AGMO: variants seen among roughly 807,000 people sequenced by gnomAD.
AGMO encodes the protein alkylglycerol monooxygenase, also known as glyceryl-ether monooxygenase.
Under a neutral mutation model 60.2 loss-of-function variants are expected in AGMO, and 75 were observed. That is an observed-to-expected ratio of 1.25 (90% CI 1.03 to 1.51). The LOEUF (loss-of-function observed/expected upper bound fraction) is 1.51. AGMO is among the 40% of genes most tolerant of loss of function. The pLI is 0.00. For synonymous variants in AGMO, 261 were observed against 177.1 expected (o/e 1.47, Z -3.76); for missense variants, 763 against 525.5 (o/e 1.45, Z -4.42).
the AGMO span, among the ~76,000 whole-genome samples, chr7:15,152,947 T>A: frequency 6.6e-6 from 1 of 152,184 alleles, no homozygotes; most frequent in African/African-American, 2.4e-5. Context: ...TTTTACTAGT[T>A]TGCATTCTCA....
chr7:15,337,933 A>G (rs1332103040), intron 12 of AGMO, among the ~76,000 whole-genome samples: 1 of 152,192 alleles, frequency 6.6e-6, no homozygotes, highest in Non-Finnish European at 1.5e-5. Context: ...AAGCGATGAA[A>G]ATCTCCAAGG....
intron 12 of AGMO, among the ~76,000 whole-genome samples, chr7:15,317,869 GTA>G (rs550714316): frequency 7.2e-5 from 9 of 124,838 alleles, no homozygotes; most frequent in Admixed American, 1.7e-4. Context: ...ACACACACAC[GTA>G]TATATATATA....
intron 1 of AGMO, 25 bp downstream of exon 1, chr7:15,561,695 G>A (rs1583694351): frequency 6.3e-7 from 1 of 1,586,154 alleles, no homozygotes; most frequent in Non-Finnish European, 8.6e-7. Context: ...AAGAATAAGA[G>A]TAGCCTCTTC....
chr7:15,529,787 T>C (rs111219311), intron 3 of AGMO, among the ~76,000 whole-genome samples: 2,223 of 8,558 alleles, frequency 0.26, 895 homozygotes, highest in African/African-American at 0.53. Context: ...TTTCTCTATA[T>C]ATATTTCTCT....
chr7:15,310,798 C>T (rs1027376928), intron 12 of AGMO, among the ~76,000 whole-genome samples: 4 of 152,130 alleles, frequency 2.6e-5, no homozygotes, highest in Non-Finnish European at 5.9e-5. Context: ...GTTCGAAAAT[C>T]AAGGTGTTGG....
chr7:15,396,845 C>T (rs1039432885), intron 5 of AGMO, among the ~76,000 whole-genome samples: 9 of 152,150 alleles, frequency 5.9e-5, no homozygotes, highest in African/African-American at 1.9e-4. Context: ...CTGAGTGGTG[C>T]GTTTACAAAC....
At chr7:15,345,121 T>G (rs969855685) in intron 12 of AGMO, among the ~76,000 whole-genome samples, 1 of 152,334 alleles carries the variant, frequency 6.6e-6, no homozygotes, top group Middle Eastern at 3.4e-3. Context: ...AATGCAAATC[T>G]AATCAAATGG....
Position 15,385,536 on chromosome 7 carries a change from TGAG to T in AGMO, c.981_983del (p.Phe327_Ser328delinsLeu), listed in dbSNP as rs1562477150. On this transcript the variant is annotated inframe_deletion, in exon 10 of 13. Transcript: ENST00000342526. ...TCTTTAATAGCTGAGATGAAGATGA[TGAG>T]AAGGGAACTTCTTTGCCGGTGACCT... The T allele has an allele frequency of 3.7e-6, 6 of 1,612,656 alleles. No individual in the cohort carries two copies. Among genetic ancestry groups the T allele is most frequent in the East Asian group, 2.2e-5 (1 of 44,802 alleles).
At chr7:15,256,124 G>A (rs552497645) in intron 12 of AGMO, among the ~76,000 whole-genome samples, 4 of 152,280 alleles carry the variant, frequency 2.6e-5, no homozygotes, top group South Asian at 2.1e-4. Context: ...GAATTTGGAG[G>A]TGGCAGCAGT....
chr7:15,170,352 G>T, the AGMO span, among the ~76,000 whole-genome samples: 1 of 136,856 alleles, frequency 7.3e-6, no homozygotes, highest in Non-Finnish European at 1.7e-5. Context: ...AAAGGAGACA[G>T]AAATTTTGTA....
intron 12 of AGMO, among the ~76,000 whole-genome samples, chr7:15,206,198 T>G (rs1216590669): frequency 6.6e-6 from 1 of 152,122 alleles, no homozygotes; most frequent in Admixed American, 6.5e-5. Flanking sequence ...GAGCCAAATG[T>G]ACCATAGCTC....
chr7:15,519,325 T>C (rs1223212552), intron 3 of AGMO, among the ~76,000 whole-genome samples: 1 of 149,354 alleles, frequency 6.7e-6, no homozygotes, highest in East Asian at 2.0e-4. Context: ...AGATTAGCCT[T>C]GAGAAGAGCA....
chr7:15,549,352 G>A (rs62438962), intron 2 of AGMO, among the ~76,000 whole-genome samples: 30 of 152,016 alleles, frequency 2.0e-4, no homozygotes, highest in Admixed American at 1.2e-3. Context: ...AAATGCTCCA[G>A]TTAAAAGACA....
rs1032495100 is a variant in AGMO at position 15,262,076 on chromosome 7, A to G, written c.1264-60717T>C. On this transcript the variant is annotated intron_variant, in intron 12 of 12. Transcript: ENST00000342526. ...AAAAGTTGAAAGCATTCCCCCTGAGAAAAGAATGTCCATTGTCACTACTTT... is the reference window on the plus strand; with the variant it reads ...AAAAGTTGAAAGCATTCCCCCTGAGGAAAGAATGTCCATTGTCACTACTTT... Among the ~76,000 whole-genome samples the G allele has an allele frequency of 7.9e-5, 12 of 152,022 alleles. 1 individual carries two copies. Among genetic ancestry groups the G allele is most frequent in the Admixed American group, 7.2e-4 (11 of 15,246 alleles).
Position 15,387,416 on chromosome 7 carries a change from T to C in AGMO, c.947A>G (p.Glu316Gly), listed in dbSNP as rs768251486. The C allele has an allele frequency of 6.2e-7, 1 of 1,613,000 alleles. No homozygotes were observed. The highest frequency in any genetic ancestry group is 1.7e-5 in the Admixed American group (1 of 59,634). ...PGKPRLGLSEEIPEVTGKEVP... is the reference protein window; with the variant it reads ...PGKPRLGLSEGIPEVTGKEVP... The stretch of plus-strand genomic sequence containing the variant: ...GTGAACTCTATTTACCTCTGGAATT[T>C]CTTCACTGAGACCAAGTCTTGGTTT... The change falls in exon 9 of 13, where the codon GAA (glutamate) becomes GGA (glycine). Residue 316 changes from glutamate to glycine, a missense_variant. Coordinates refer to ENST00000342526, the MANE Select transcript of AGMO (RefSeq NM_001004320.2).
chr7:15,284,407 A>G (rs1269817745), intron 12 of AGMO, among the ~76,000 whole-genome samples: 1 of 152,020 alleles, frequency 6.6e-6, no homozygotes, highest in Admixed American at 6.6e-5. Flanking sequence ...TGACACTACA[A>G]AAATACAAAA....
intron 12 of AGMO, among the ~76,000 whole-genome samples, chr7:15,228,116 T>C (rs983110719): frequency 6.6e-6 from 1 of 152,104 alleles, no homozygotes; most frequent in African/African-American, 2.4e-5. Flanking sequence ...AACACTCCTA[T>C]TGTTTGGAAT....
the AGMO span, among the ~76,000 whole-genome samples, chr7:15,185,729 C>A: frequency 6.6e-6 from 1 of 152,184 alleles, no homozygotes; most frequent in African/African-American, 2.4e-5. Context: ...GGCACTGAAC[C>A]ACAGGTGAGC....
chr7:15,436,463 T>C (rs1263150486), intron 3 of AGMO, among the ~76,000 whole-genome samples: 1 of 152,180 alleles, frequency 6.6e-6, no homozygotes, highest in Non-Finnish European at 1.5e-5. Context: ...TAATCCATTC[T>C]TGAGGGTGGA....
Sources: allele counts gnomAD v4.1 joint callset (sites outside exome capture counted in the v4.1 genomes callset), GRCh38; gene constraint gnomAD v4.1.1; transcripts MANE v1.5; gene names NCBI Gene and HGNC (gene_info 2026-07-23, HGNC 2026-07-21).